Variants in PAX2 observed in about 807,000 individuals in gnomAD.
PAX2 encodes paired box 2.
Under a neutral mutation model 41.7 loss-of-function variants are expected in PAX2, and 9 were observed. That is an observed-to-expected ratio of 0.22 (90% CI 0.13 to 0.38). The LOEUF (loss-of-function observed/expected upper bound fraction) is 0.38. Ranked by LOEUF, PAX2 falls within the 10% of genes least tolerant of loss-of-function variation. PAX2 has a pLI of 1.00. For synonymous variants in PAX2, 221 were observed against 212.7 expected (o/e 1.04, Z -0.34); for missense variants, 418 against 531.6 (o/e 0.79, Z 2.10).
chr10:100,773,330 C>T (rs1846276370), intron 3 of PAX2, among the ~76,000 whole-genome samples: 1 of 152,144 alleles, frequency 6.6e-6, no homozygotes, highest in Non-Finnish European at 1.5e-5. Context: ...CCTAGAAAGC[C>T]TGCCCAGCCT....
chr10:100,809,046 C>T (rs1165682614), intron 6 of PAX2, 64 bp from the exon 7 acceptor site: 68 of 1,534,272 alleles, frequency 4.4e-5, no homozygotes, highest in Non-Finnish European at 5.6e-5. Flanking sequence ...TCCCCATCTG[C>T]ACACCGAGCC....
Position 100,828,918 on chromosome 10 carries a change from T to TCCGCC in PAX2, c.*1311_*1315dup, listed in dbSNP as rs1217331653. The TCCGCC allele has an allele frequency of 1.1e-5, 2 of 174,030 alleles. No individual in the cohort carries two copies. Among genetic ancestry groups the TCCGCC allele is most frequent in the Non-Finnish European group, 2.4e-5 (2 of 83,032 alleles). The allele number at this position is 174,030 out of a possible 1,614,324, so 10.8% of individuals were successfully genotyped here. ...ACCCGGTGTACATAACCCCTCCCCC[T>TCCGCC]CCGCCCCGCCCCGCCCGGCCCCGTA... is the stretch of plus-strand genomic sequence containing the variant. On this transcript the variant is annotated 3_prime_UTR_variant, in exon 10 of 10. Coordinates refer to ENST00000355243, the MANE Select transcript of PAX2 (RefSeq NM_000278.5). The surrounding 1 kb of genome is among the most constrained non-coding windows in gnomAD (Gnocchi z 6.5).
In PAX2 at chr10:100,819,120, C is replaced by T. The variant is rs573992463; in HGVS notation, c.920-5528C>T. Among the ~76,000 whole-genome samples, 9 of 151,752 alleles carry T rather than the reference C, an allele frequency of 5.9e-5. No homozygotes were observed. In the East Asian group the frequency reaches 1.4e-3, roughly 23 times the overall value. ...AAAGTTAGCTGGGTGCAGTGGCAGG[C>T]GCTTGTAATCCCAGCTACTCGTGAG... is the stretch of plus-strand genomic sequence containing the variant. On this transcript the variant is annotated intron_variant, in intron 7 of 9. Coordinates refer to ENST00000355243, the MANE Select transcript of PAX2 (RefSeq NM_000278.5).
chr10:100,794,862 T>A (rs1423457221), intron 5 of PAX2, among the ~76,000 whole-genome samples: 1 of 1,352 alleles, frequency 7.4e-4, no homozygotes, highest in African/African-American at 3.8e-3. Context: ...GTGTAATTGA[T>A]TTTTTTTTTA....
At chr10:100,798,614 A>C in intron 5 of PAX2, among the ~76,000 whole-genome samples, 4 of 143,562 alleles carry the variant, frequency 2.8e-5, no homozygotes, top group Admixed American at 7.0e-5. Context: ...TTCCTCCCTC[A>C]CTCCCGGAAT....
At chr10:100,771,785 A>G (rs1846218789) in intron 3 of PAX2, among the ~76,000 whole-genome samples, 2 of 151,914 alleles carry the variant, frequency 1.3e-5, no homozygotes, top group Non-Finnish European at 2.9e-5. Flanking sequence ...GCTGGGCAAA[A>G]TATCCTTTGC....
intron 1 of PAX2, among the ~76,000 whole-genome samples, chr10:100,736,114 G>C (rs2133806793): frequency 6.6e-6 from 1 of 152,304 alleles, no homozygotes; most frequent in East Asian, 1.9e-4. Context: ...AGTGTGAGCT[G>C]GGCCAGCGCC....
chr10:100,779,830 C>T (rs1846541147), intron 4 of PAX2, among the ~76,000 whole-genome samples: 1 of 150,592 alleles, frequency 6.6e-6, no homozygotes, highest in South Asian at 2.1e-4. Context: ...ATCCTCTCCC[C>T]TCCTCTCCTC....
chr10:100,754,992 C>T (rs1262341355), intron 3 of PAX2, among the ~76,000 whole-genome samples: 1 of 152,228 alleles, frequency 6.6e-6, no homozygotes, highest in African/African-American at 2.4e-5. Context: ...AACTCACCTT[C>T]TGTGGCCTGA....
chr10:100,770,153 C>T (rs529105647), intron 3 of PAX2, among the ~76,000 whole-genome samples: 13 of 152,276 alleles, frequency 8.5e-5, no homozygotes, highest in South Asian at 6.2e-4. Flanking sequence ...CAGTCACTAG[C>T]GGGCCCTACA....
intron 1 of PAX2, among the ~76,000 whole-genome samples, chr10:100,737,245 C>A (rs1844803162): frequency 6.6e-6 from 1 of 152,080 alleles, no homozygotes; most frequent in African/African-American, 2.4e-5. Flanking sequence ...GCCCCCTCCC[C>A]AGGACCTCGG....
intron 3 of PAX2, among the ~76,000 whole-genome samples, chr10:100,754,180 C>T (rs2133843765): frequency 6.6e-6 from 1 of 152,280 alleles, no homozygotes; most frequent in Non-Finnish European, 1.5e-5. Flanking sequence ...AGTTACATAG[C>T]TGAGCAATTG....
At chr10:100,814,374 AGATC>A (rs1848115167) in intron 7 of PAX2, among the ~76,000 whole-genome samples, 2 of 150,820 alleles carry the variant, frequency 1.3e-5, no homozygotes, top group Non-Finnish European at 3.0e-5. Flanking sequence ...AAAAAAAAAA[AGATC>A]AAAGGAAGTA....
intron 3 of PAX2, among the ~76,000 whole-genome samples, chr10:100,769,624 A>AAAAATAAAATAAAATAAAAT (rs1206434445): frequency 8.4e-4 from 68 of 81,184 alleles, no homozygotes; most frequent in African/African-American, 2.5e-3. Flanking sequence ...CCATCTCAAA[A>AAAAATAAAATAAAATAAAAT]AGAATAAAAT....
chr10:100,754,364 A>G (rs1427001873), intron 3 of PAX2, among the ~76,000 whole-genome samples: 12 of 152,152 alleles, frequency 7.9e-5, no homozygotes, highest in Non-Finnish European at 1.8e-4. Flanking sequence ...TAAGGGTGTC[A>G]CCTTCTAACT....
At chr10:100,781,761 G>A (rs899933442) in intron 5 of PAX2, among the ~76,000 whole-genome samples, 4 of 152,236 alleles carry the variant, frequency 2.6e-5, no homozygotes, top group South Asian at 2.1e-4. Context: ...AGGTAGTGAT[G>A]TCATGTGCAG....
chr10:100,819,949 A>G (rs1848324789), intron 7 of PAX2, among the ~76,000 whole-genome samples: 1 of 152,218 alleles, frequency 6.6e-6, no homozygotes, highest in African/African-American at 2.4e-5. Flanking sequence ...TGCTGTAGAA[A>G]TTGGCTTTAG....
chr10:100,786,584 T>G (rs1396897284), intron 5 of PAX2, among the ~76,000 whole-genome samples: 1 of 152,210 alleles, frequency 6.6e-6, no homozygotes, highest in Non-Finnish European at 1.5e-5. Context: ...TGGGAAGGTG[T>G]GCAGTTACCT....
chr10:100,752,549 G>A (rs950035158), intron 3 of PAX2, among the ~76,000 whole-genome samples: 1 of 152,224 alleles, frequency 6.6e-6, no homozygotes, highest in East Asian at 1.9e-4. Context: ...GAGAAGAACA[G>A]CCAAGGGCCA....
Sources: gnomAD v4.1 joint callset for allele counts (sites outside exome capture counted in the v4.1 genomes callset) on GRCh38, gnomAD v4.1.1 for gene constraint, Gnocchi (gnomAD v3.1) non-coding constraint, MANE v1.5 for transcripts, NCBI Gene and HGNC (gene_info 2026-07-23, HGNC 2026-07-21) for gene names.